SFRP1: variants seen among roughly 807,000 people sequenced by gnomAD.
SFRP1 encodes the protein secreted frizzled-related protein 1.
Under a neutral mutation model 25.9 loss-of-function variants are expected in SFRP1, and 9 were observed. That is an observed-to-expected ratio of 0.35 (90% CI 0.21 to 0.61). The LOEUF is 0.61. Among genes scored for constraint, SFRP1 ranks in the 20% least tolerant of loss-of-function variants. The probability of loss-of-function intolerance (pLI) is 0.78; values close to 1 mark genes in which losing one functional copy is unlikely to be tolerated. For synonymous variants in SFRP1, 178 were observed against 174.0 expected, an observed-to-expected ratio of 1.02 and a Z score of -0.18; for missense variants, 346 against 418.2, an observed-to-expected ratio of 0.83 and a Z score of 1.51.
Position 41,303,446 on chromosome 8 carries a change from G to C in SFRP1, c.622+15C>G, listed in dbSNP as rs769911760. ...GTTCCAAACCTTCCAGAGGCAGCTA[G>C]AAACGCTTTCTTACCAAACTCGCTG... On this transcript the variant is annotated intron_variant, in intron 2 of 2. Transcript: ENST00000220772. The C allele has an allele frequency of 1.9e-6, 3 of 1,608,962 alleles. No homozygotes were observed. The African/African-American group carries it at 4.0e-5, about 22-fold the overall frequency.
At position 41,284,218 on chromosome 8, in the gene SFRP1, C is replaced by T. The variant is rs542277225; in HGVS notation, c.623-18729G>A. 7.2e-4 allele frequency among the ~76,000 whole-genome samples: 109 copies of T among 152,110 alleles called. 1 individual carries two copies. The highest frequency in any genetic ancestry group is 1.1e-3 in the Non-Finnish European group (75 of 68,006). ...CTCAGATGGAAGAGGAGAAGGAGAA[C>T]GGCAGCTCCAGGTGCAGCACAGTGG... is the stretch of plus-strand genomic sequence containing the variant. On this transcript the variant is annotated intron_variant, in intron 2 of 2. Coordinates refer to ENST00000220772, the MANE Select transcript of SFRP1 (RefSeq NM_003012.5).
intron 2 of SFRP1, among the ~76,000 whole-genome samples, chr8:41,281,598 T>C (rs1437023696): frequency 2.0e-5 from 3 of 152,226 alleles, no homozygotes; most frequent in Non-Finnish European, 2.9e-5. Context: ...TGTGAATGGA[T>C]GTGTACACAG....
At chr8:41,276,941 GCAT>G (rs1288684398) in intron 2 of SFRP1, 5 of 456,352 alleles carry the variant, frequency 1.1e-5, no homozygotes, top group Admixed American at 4.7e-5. Context: ...ACACTCGCCA[GCAT>G]CATCAATGCA....
At chr8:41,281,380 T>C (rs1563361776) in intron 2 of SFRP1, among the ~76,000 whole-genome samples, 1 of 152,164 alleles carries the variant, frequency 6.6e-6, no homozygotes. Context: ...TCCCTCAGCA[T>C]GGGGGGATTG....
At chr8:41,307,038 C>A (rs911835099) in intron 1 of SFRP1, 21 of 1,434,176 alleles carry the variant, frequency 1.5e-5, no homozygotes, top group Non-Finnish European at 1.7e-5. Context: ...GGAATGGACT[C>A]CAGGTCAGGG....
chr8:41,305,236 A>C (rs997010046), intron 1 of SFRP1, among the ~76,000 whole-genome samples: 1 of 152,226 alleles, frequency 6.6e-6, no homozygotes, highest in Admixed American at 6.5e-5. Flanking sequence ...TCTTGACCAA[A>C]TAGTGAAGTC....
At chr8:41,297,565 A>C (rs1803859253) in intron 2 of SFRP1, among the ~76,000 whole-genome samples, 1 of 152,162 alleles carries the variant, frequency 6.6e-6, no homozygotes, top group Admixed American at 6.5e-5. Context: ...TTACAGATTG[A>C]ACAGCCACCA....
chr8:41,288,228 C>G (rs111655136), intron 2 of SFRP1, among the ~76,000 whole-genome samples: 1 of 151,796 alleles, frequency 6.6e-6, no homozygotes, highest in Non-Finnish European at 1.5e-5. Context: ...TGTTGTGGGA[C>G]GTGCCTGTAA....
chr8:41,309,308 T>TC lies in SFRP1; in HGVS notation c.-150dup. The TC allele has an allele frequency of 1.0e-6, 1 of 960,142 alleles. No individual in the cohort carries two copies. Among genetic ancestry groups the TC allele is most frequent in the Non-Finnish European group, 1.3e-6 (1 of 756,182 alleles). 59.5% of individuals were successfully genotyped at this position (960,142 alleles called of 1,614,324 possible). On this transcript the variant is annotated 5_prime_UTR_variant, in exon 1 of 3. Coordinates refer to ENST00000220772, the MANE Select transcript of SFRP1 (RefSeq NM_003012.5). ...TCCGCGGCCGCAAGCTGCTGCCCGG[T>TC]CCCCCCGGCCAGTGGCGGCCCTCGG...
At chr8:41,273,050 A>C (rs1371734095) in intron 2 of SFRP1, among the ~76,000 whole-genome samples, 1 of 152,256 alleles carries the variant, frequency 6.6e-6, no homozygotes, top group Non-Finnish European at 1.5e-5. Context: ...TTTGATACTG[A>C]GGCAAGCTAT....
chr8:41,288,656 T>C (rs560354440), intron 2 of SFRP1, among the ~76,000 whole-genome samples: 4 of 151,848 alleles, frequency 2.6e-5, no homozygotes, highest in Non-Finnish European at 5.9e-5. Context: ...ATGGCCATCA[T>C]TTGGCAAATG....
At chr8:41,277,405 G>T (rs1585508813) in intron 2 of SFRP1, among the ~76,000 whole-genome samples, 1 of 152,346 alleles carries the variant, frequency 6.6e-6, no homozygotes, top group East Asian at 1.9e-4. Flanking sequence ...CCTGGTGTTT[G>T]CCCAAATGGC....
chr8:41,298,889 C>A lies in SFRP1; in HGVS notation c.622+4572G>T, dbSNP rs150440180. Among the ~76,000 whole-genome samples the A allele has an allele frequency of 3.1e-4, 47 of 152,284 alleles. 1 individual carries two copies. In the East Asian group the frequency reaches 8.5e-3, roughly 27 times the overall value. On this transcript the variant is annotated intron_variant, in intron 2 of 2. Transcript: ENST00000220772. Reference sequence around the variant, plus strand: ...CATGAGCTGTGAACAGCCCCCTCATCCCACTCATCCCTTTTCCCTCTTTCT... The same window carrying A: ...CATGAGCTGTGAACAGCCCCCTCATACCACTCATCCCTTTTCCCTCTTTCT...
At chr8:41,290,044 G>A (rs957174631) in intron 2 of SFRP1, among the ~76,000 whole-genome samples, 5 of 152,172 alleles carry the variant, frequency 3.3e-5, no homozygotes, top group African/African-American at 4.8e-5. Context: ...ACAGACAGAC[G>A]CACAGGAGGG....
chr8:41,309,194 G>A lies in SFRP1; in HGVS notation c.-35C>T. 3.1e-6 allele frequency: 4 copies of A among 1,279,712 alleles called. No homozygotes were observed. Among genetic ancestry groups the A allele is most frequent in the Non-Finnish European group, 2.9e-6 (3 of 1,020,852 alleles). 79.3% of individuals were successfully genotyped at this position (1,279,712 alleles called of 1,614,324 possible). A position where few individuals can be genotyped will look rare whatever the true frequency, so the allele number is the denominator to read the frequency against. On this transcript the variant is annotated 5_prime_UTR_variant, in exon 1 of 3. Coordinates refer to ENST00000220772, the MANE Select transcript of SFRP1 (RefSeq NM_003012.5). ...GCGCCCTGTTCTCCGCGACGTCGGG[G>A]CTGCCTCCGCCGCCTCCCCGCGCGC...
intron 2 of SFRP1, among the ~76,000 whole-genome samples, chr8:41,283,905 A>AT (rs1210178962): frequency 1.3e-5 from 2 of 152,092 alleles, no homozygotes; most frequent in Admixed American, 6.6e-5. Context: ...AGTTGGGCTA[A>AT]CACAAAGAGT....
chr8:41,295,852 G>A (rs991760209), intron 2 of SFRP1, among the ~76,000 whole-genome samples: 2 of 151,852 alleles, frequency 1.3e-5, no homozygotes, highest in African/African-American at 4.8e-5. Context: ...AATACGTCCA[G>A]CCCCCTGCCA....
rs1035169560 is a variant in SFRP1 at position 41,263,719 on chromosome 8, C to T, written c.*1448G>A. The T allele has an allele frequency of 1.3e-5, 2 of 152,196 alleles. No individual in the cohort carries two copies. Among genetic ancestry groups the T allele is most frequent in the Admixed American group, 6.5e-5 (1 of 15,280 alleles). 9.4% of individuals were successfully genotyped at this position (152,196 alleles called of 1,614,324 possible). On this transcript the variant is annotated 3_prime_UTR_variant, in exon 3 of 3. Coordinates refer to ENST00000220772, the MANE Select transcript of SFRP1 (RefSeq NM_003012.5). ...TTGTCTAAGTGAACTGGCTTATATACATCGCTGATTAAACATAAGGGCTTT... is the reference window on the plus strand; with the variant it reads ...TTGTCTAAGTGAACTGGCTTATATATATCGCTGATTAAACATAAGGGCTTT...
At chr8:41,307,718 C>T (rs1226876770) in intron 1 of SFRP1, among the ~76,000 whole-genome samples, 1 of 152,200 alleles carries the variant, frequency 6.6e-6, no homozygotes, top group Non-Finnish European at 1.5e-5. Flanking sequence ...TTTTATTTGA[C>T]TTCCCAGGAT....
Sources: allele counts gnomAD v4.1 joint callset (sites outside exome capture counted in the v4.1 genomes callset), GRCh38; gene constraint gnomAD v4.1.1; transcripts MANE v1.5; gene names NCBI Gene and HGNC (gene_info 2026-07-23, HGNC 2026-07-21).